ARMC2: variants seen among roughly 807,000 people sequenced by gnomAD.
ARMC2 encodes the protein armadillo repeat containing 2.
ARMC2 carries 67 observed loss-of-function variants against 90.3 expected under a neutral mutation model. The observed-to-expected ratio is 0.74, with a 90% CI of 0.61 to 0.91. The LOEUF (loss-of-function observed/expected upper bound fraction) is 0.91. ARMC2 is among the 40% of genes least tolerant of loss of function. ARMC2 has a pLI of 0.00. For synonymous variants in ARMC2, 393 were observed against 393.0 expected (o/e 1.00, Z 0.00); for missense variants, 920 against 1,030.9 (o/e 0.89, Z 1.47).
the ARMC2 span, among the ~76,000 whole-genome samples, chr6:109,044,246 C>T: frequency 2.2e-5 from 3 of 137,924 alleles, no homozygotes; most frequent in African/African-American, 8.4e-5. Flanking sequence ...GCCAAGGATA[C>T]CAGGGCAGTG....
At chr6:108,934,464 C>T (rs1461627017) in intron 11 of ARMC2, among the ~76,000 whole-genome samples, 1 of 152,120 alleles carries the variant, frequency 6.6e-6, no homozygotes, top group Non-Finnish European at 1.5e-5. Context: ...TTTTTCTCTT[C>T]TCATATTGTC....
intron 12 of ARMC2, among the ~76,000 whole-genome samples, chr6:108,951,689 T>C (rs1432172723): frequency 6.6e-6 from 1 of 152,226 alleles, no homozygotes; most frequent in Non-Finnish European, 1.5e-5. Flanking sequence ...CCCAGTTTCC[T>C]GGCCACACCC....
the ARMC2 span, among the ~76,000 whole-genome samples, chr6:108,989,713 AG>A: frequency 6.6e-5 from 10 of 152,126 alleles, no homozygotes; most frequent in Non-Finnish European, 1.2e-4. Flanking sequence ...ATGAGAAAAA[AG>A]GCAGGGGCTG....
chr6:108,862,451 C>T lies in ARMC2; in HGVS notation c.291+4180C>T, dbSNP rs77591697. Among the ~76,000 whole-genome samples, 639 of 150,710 alleles carry T rather than the reference C, an allele frequency of 4.2e-3. 2 individuals carry two copies. The highest frequency in any genetic ancestry group is 0.015 in the African/African-American group (599 of 41,166). On this transcript the variant is annotated intron_variant, in intron 3 of 17. Transcript: ENST00000392644. ...TGACTGCTTAATTTGAGATTGTGGT[C>T]GTTGATGTTATTGTGGATTATGTGA... is the stretch of plus-strand genomic sequence containing the variant.
chr6:108,912,586 T>A, intron 10 of ARMC2, 28 bp downstream of exon 10: 1 of 1,570,746 alleles, frequency 6.4e-7, no homozygotes, highest in Non-Finnish European at 8.7e-7. Context: ...AAACGTTAGA[T>A]GTGTAAAATT....
intron 10 of ARMC2, among the ~76,000 whole-genome samples, chr6:108,926,002 G>T (rs936708482): frequency 6.6e-6 from 1 of 152,146 alleles, no homozygotes; most frequent in African/African-American, 2.4e-5. Context: ...TGAGAATAAG[G>T]CCTGAGAAGG....
chr6:108,984,962 G>A, the ARMC2 span, among the ~76,000 whole-genome samples: 82 of 152,210 alleles, frequency 5.4e-4, no homozygotes, highest in African/African-American at 1.9e-3. Context: ...TTAACTCAGC[G>A]TCTCTGGGAG....
the ARMC2 span, among the ~76,000 whole-genome samples, chr6:109,021,440 G>C: frequency 2.0e-5 from 3 of 152,046 alleles, no homozygotes; most frequent in South Asian, 6.2e-4. Context: ...TTATTTATCA[G>C]TCATATCTTG....
intron 13 of ARMC2, among the ~76,000 whole-genome samples, chr6:108,958,491 T>C (rs1777756707): frequency 6.6e-6 from 1 of 152,174 alleles, no homozygotes; most frequent in South Asian, 2.1e-4. Context: ...CCAGACACCA[T>C]TCCTGCCGCC....
the ARMC2 span, among the ~76,000 whole-genome samples, chr6:109,008,541 A>G: frequency 6.6e-6 from 1 of 152,230 alleles, no homozygotes; most frequent in Non-Finnish European, 1.5e-5. Flanking sequence ...TCCATTAAAG[A>G]AATCACGAAA....
downstream of ARMC2, among the ~76,000 whole-genome samples, chr6:108,975,401 A>G (rs1375130810): frequency 6.6e-6 from 1 of 152,192 alleles, no homozygotes; most frequent in Non-Finnish European, 1.5e-5. Flanking sequence ...TATCCAGTCT[A>G]TCATTGATGG....
At chr6:109,040,098 T>C in the ARMC2 span, among the ~76,000 whole-genome samples, 1 of 152,202 alleles carries the variant, frequency 6.6e-6, no homozygotes, top group Non-Finnish European at 1.5e-5. Flanking sequence ...GTATTATCTT[T>C]AGCGTAAAAA....
At chr6:109,033,604 A>C in the ARMC2 span, among the ~76,000 whole-genome samples, 1 of 152,192 alleles carries the variant, frequency 6.6e-6, no homozygotes, top group Non-Finnish European at 1.5e-5. Flanking sequence ...AATGAGATCT[A>C]GATTGCAACC....
chr6:108,878,081 CA>C (rs369170826), intron 5 of ARMC2, among the ~76,000 whole-genome samples: 4 of 151,088 alleles, frequency 2.6e-5, no homozygotes, highest in African/African-American at 7.3e-5. Flanking sequence ...GGAGTGGTGC[CA>C]AAAAAAAGTT....
rs1467304432 is a variant in ARMC2, at chr6:108,873,377, A to T, written c.464-2766A>T. On this transcript the variant is annotated intron_variant, in intron 4 of 17. Coordinates refer to ENST00000392644, the MANE Select transcript of ARMC2 (RefSeq NM_032131.6). Reference sequence around the variant, plus strand: ...GGGGGATGACATCCCAGCACCTCCAAGTGCACAGCTGTGTTGTGATCCAGC... The same window carrying T: ...GGGGGATGACATCCCAGCACCTCCATGTGCACAGCTGTGTTGTGATCCAGC... Among the ~76,000 whole-genome samples the T allele has an allele frequency of 4.6e-5, 7 of 152,108 alleles. No homozygotes were observed. In the East Asian group the frequency reaches 1.4e-3, roughly 29 times the overall value.
At chr6:108,964,346 A>T (rs762464934) in intron 16 of ARMC2, 34 bp downstream of exon 16, 2 of 1,595,668 alleles carry the variant, frequency 1.3e-6, no homozygotes, top group African/African-American at 2.7e-5. Context: ...TGACTCTCTC[A>T]GGATTTGAAG....
At chr6:109,050,799 A>G in the ARMC2 span, among the ~76,000 whole-genome samples, 1 of 152,176 alleles carries the variant, frequency 6.6e-6, no homozygotes, top group Non-Finnish European at 1.5e-5. Context: ...GCTGCCAACA[A>G]TCACTCATCC....
chr6:108,945,063 T>C (rs138520554), intron 12 of ARMC2, among the ~76,000 whole-genome samples: 1 of 152,290 alleles, frequency 6.6e-6, no homozygotes, highest in African/African-American at 2.4e-5. Context: ...CTATTAAAAA[T>C]GCTGGCCAAA....
the ARMC2 span, among the ~76,000 whole-genome samples, chr6:108,998,009 A>G: frequency 6.6e-6 from 1 of 152,226 alleles, no homozygotes; most frequent in African/African-American, 2.4e-5. Flanking sequence ...CACCTTCTAT[A>G]TTGGTGCAAA....
Sources: gnomAD v4.1 joint callset for allele counts (sites outside exome capture counted in the v4.1 genomes callset) on GRCh38, gnomAD v4.1.1 for gene constraint, MANE v1.5 for transcripts, NCBI Gene and HGNC (gene_info 2026-07-23, HGNC 2026-07-21) for gene names.